Variants in CAMK1D observed in about 807,000 individuals in gnomAD.
CAMK1D encodes calcium/calmodulin-dependent protein kinase type 1D.
Under a neutral mutation model 47.7 loss-of-function variants are expected in CAMK1D, and 9 were observed. The observed-to-expected ratio is 0.19, with a 90% confidence interval of 0.11 to 0.33. CAMK1D has a LOEUF of 0.33. Among genes scored for constraint, CAMK1D ranks in the 10% least tolerant of loss-of-function variants. The pLI, the probability that CAMK1D is intolerant of heterozygous loss-of-function variation, is 1.00. For synonymous variants in CAMK1D, 184 were observed against 184.9 expected, an observed-to-expected ratio of 0.99 and a Z score of 0.04; for missense variants, 291 against 488.7, an observed-to-expected ratio of 0.60 and a Z score of 3.81.
intron 1 of CAMK1D, among the ~76,000 whole-genome samples, chr10:12,487,770 A>G (rs1053968092): frequency 1.3e-5 from 2 of 152,250 alleles, no homozygotes; most frequent in Non-Finnish European, 2.9e-5. Flanking sequence ...TAACAGCAGA[A>G]TGTTGGTTCT....
intron 1 of CAMK1D, among the ~76,000 whole-genome samples, chr10:12,362,001 T>G (rs956138024): frequency 4.6e-5 from 7 of 152,204 alleles, no homozygotes; most frequent in Non-Finnish European, 8.8e-5. Context: ...GGAAGCTGCT[T>G]CTTTCTTTCT....
intron 2 of CAMK1D, among the ~76,000 whole-genome samples, chr10:12,553,697 C>G (rs553292469): frequency 6.6e-6 from 1 of 152,196 alleles, no homozygotes; most frequent in African/African-American, 2.4e-5. Context: ...CGGCGTCTCC[C>G]TGGCAGGGTG....
rs74118558 is a variant in CAMK1D at position 12,742,682 on chromosome 10, C to T, written c.300-18266C>T. On this transcript the variant is annotated intron_variant, in intron 3 of 10. Transcript: ENST00000619168. ...GCTCTTTAGCTGGGAATAATATGAGCGAGTGAGGTGCCATTGAACAGTTAT... is the reference window on the plus strand; with the variant it reads ...GCTCTTTAGCTGGGAATAATATGAGTGAGTGAGGTGCCATTGAACAGTTAT... Among the ~76,000 whole-genome samples the T allele has an allele frequency of 7.5e-3, 1,144 of 152,180 alleles. 18 individuals are homozygous for T. Among genetic ancestry groups the T allele is most frequent in the African/African-American group, 0.026 (1,087 of 41,514 alleles).
rs551116925 is a variant in CAMK1D, at chr10:12,483,656, A to T, written c.93-69569A>T. 9.8e-4 allele frequency among the ~76,000 whole-genome samples: 148 copies of T among 151,108 alleles called. 1 individual carries two copies. The Middle Eastern group carries it at 0.017, about 18-fold the overall frequency. On this transcript the variant is annotated intron_variant, in intron 1 of 10. Transcript: ENST00000619168. ...TGGGATTACAGGCTGGAGTCATCAC[A>T]CCTGGCCTCTAAAAAAAGAGATCCA...
intron 3 of CAMK1D, among the ~76,000 whole-genome samples, chr10:12,674,203 G>A (rs1840719456): frequency 6.6e-6 from 1 of 152,206 alleles, no homozygotes; most frequent in African/African-American, 2.4e-5. Context: ...GTCTCCCAAA[G>A]TGTTGGGATA....
At chr10:12,827,309 T>C (rs1440990285) in intron 10 of CAMK1D, among the ~76,000 whole-genome samples, 11 of 62,034 alleles carry the variant, frequency 1.8e-4, no homozygotes, top group South Asian at 1.6e-3. Context: ...CTCTCTCTTT[T>C]TCTTTTCTTT....
chr10:12,555,377 C>G (rs1015960216), intron 2 of CAMK1D, among the ~76,000 whole-genome samples: 5 of 152,208 alleles, frequency 3.3e-5, no homozygotes, highest in African/African-American at 1.2e-4. Flanking sequence ...TGAGAACAAA[C>G]AGGTCTCTTT....
intron 5 of CAMK1D, 72 bp from the exon 6 acceptor site, chr10:12,791,086 A>G: frequency 7.2e-7 from 1 of 1,398,004 alleles, no homozygotes; most frequent in Non-Finnish European, 1.0e-6. Flanking sequence ...GCCAAATAGC[A>G]GACCCCAAAA....
chr10:12,493,822 A>G (rs1028347999), intron 1 of CAMK1D, among the ~76,000 whole-genome samples: 2 of 152,118 alleles, frequency 1.3e-5, no homozygotes, highest in Non-Finnish European at 2.9e-5. Context: ...TATCTAGGTT[A>G]TGTGGGGTGG....
chr10:12,761,461 C>T (rs1378606956), intron 4 of CAMK1D, among the ~76,000 whole-genome samples: 3 of 152,116 alleles, frequency 2.0e-5, no homozygotes, highest in African/African-American at 7.2e-5. Flanking sequence ...ATTCCAGCCC[C>T]ATTGCAGCAC....
chr10:12,460,401 C>T (rs1477370201), intron 1 of CAMK1D, among the ~76,000 whole-genome samples: 4 of 151,978 alleles, frequency 2.6e-5, no homozygotes, highest in Non-Finnish European at 4.4e-5. Context: ...GTTGGGACTA[C>T]AGGTCTGCAC....
At chr10:12,763,601 C>A (rs941247308) in intron 4 of CAMK1D, among the ~76,000 whole-genome samples, 1 of 152,136 alleles carries the variant, frequency 6.6e-6, no homozygotes, top group Admixed American at 6.5e-5. Flanking sequence ...CCCATGGATA[C>A]GAGTACTACG....
At chr10:12,429,560 G>A (rs932786004) in intron 1 of CAMK1D, among the ~76,000 whole-genome samples, 8 of 151,990 alleles carry the variant, frequency 5.3e-5, no homozygotes, top group Non-Finnish European at 8.8e-5. Context: ...GGCTGGTCTC[G>A]AACTCCTGAC....
intron 2 of CAMK1D, among the ~76,000 whole-genome samples, chr10:12,563,363 AG>A (rs1173200024): frequency 2.7e-5 from 4 of 146,026 alleles, no homozygotes; most frequent in Non-Finnish European, 4.6e-5. Context: ...CTAAAAAAAA[AG>A]GGAAGAAGAA....
At chr10:12,710,172 G>A (rs1326072505) in intron 3 of CAMK1D, among the ~76,000 whole-genome samples, 1 of 152,216 alleles carries the variant, frequency 6.6e-6, no homozygotes, top group Non-Finnish European at 1.5e-5. Flanking sequence ...GTTACCGTTT[G>A]TAACTATCAG....
At chr10:12,370,557 C>T (rs535333194) in intron 1 of CAMK1D, among the ~76,000 whole-genome samples, 8 of 152,152 alleles carry the variant, frequency 5.3e-5, no homozygotes, top group South Asian at 2.1e-4. Context: ...AGGTGGAAGA[C>T]GGTGATATTG....
intron 5 of CAMK1D, among the ~76,000 whole-genome samples, chr10:12,774,451 A>G (rs529996973): frequency 2.0e-4 from 30 of 152,176 alleles, no homozygotes; most frequent in Admixed American, 7.8e-4. Context: ...AGCAGGAAGG[A>G]GAGGAATAGG....
intron 1 of CAMK1D, among the ~76,000 whole-genome samples, chr10:12,457,359 C>T (rs974765742): frequency 6.6e-6 from 1 of 151,456 alleles, no homozygotes; most frequent in Non-Finnish European, 1.5e-5. Flanking sequence ...CCACTGCCCT[C>T]CAGCCTGGGT....
chr10:12,643,019 T>C (rs954884974), intron 2 of CAMK1D, among the ~76,000 whole-genome samples: 1 of 152,226 alleles, frequency 6.6e-6, no homozygotes, highest in Non-Finnish European at 1.5e-5. Flanking sequence ...TTTGTTTGTT[T>C]GACACGGAGT....
Sources: allele counts gnomAD v4.1 joint callset (sites outside exome capture counted in the v4.1 genomes callset), GRCh38; gene constraint gnomAD v4.1.1; transcripts MANE v1.5; gene names NCBI Gene and HGNC (gene_info 2026-07-23, HGNC 2026-07-21).